The following TMT1A variants were observed in gnomAD, a reference collection of about 807,000 sequenced individuals.
TMT1A encodes thiol S-methyltransferase TMT1A.
chr12:50,925,665 T>C, the TMT1A span: 2 of 1,155,490 alleles, frequency 1.7e-6, no homozygotes, highest in Non-Finnish European at 2.3e-6. Flanking sequence ...GTAGAATTTT[T>C]TAAAATTTTA....
chr12:50,928,973 C>T, the TMT1A span, among the ~76,000 whole-genome samples: 4 of 152,166 alleles, frequency 2.6e-5, no homozygotes, highest in South Asian at 8.3e-4. Context: ...CACGGTAGCT[C>T]ACGCCTGTAA....
At chr12:50,925,313 G>T in the TMT1A span, 1 of 1,614,128 alleles carries the variant, frequency 6.2e-7, no homozygotes, top group Non-Finnish European at 8.5e-7. Context: ...CCACCTGGGT[G>T]CAGGGTGACC....
At chr12:50,925,678 G>C in the TMT1A span, 4 of 1,015,496 alleles carry the variant, frequency 3.9e-6, no homozygotes, top group Non-Finnish European at 5.5e-6. Context: ...AAATTTTAGC[G>C]TGGGAGAGAA....
chr12:50,926,086 A>G, the TMT1A span, among the ~76,000 whole-genome samples: 1 of 151,738 alleles, frequency 6.6e-6, no homozygotes, highest in Non-Finnish European at 1.5e-5. Context: ...CCCAAAACAA[A>G]GTTAAACTAC....
At chr12:50,928,288 G>A in the TMT1A span, among the ~76,000 whole-genome samples, 3 of 152,120 alleles carry the variant, frequency 2.0e-5, no homozygotes, top group Non-Finnish European at 4.4e-5. Context: ...TTGCTCCTTA[G>A]CTCAGCTAGG....
chr12:50,925,425 C>T, the TMT1A span: 29 of 1,614,118 alleles, frequency 1.8e-5, no homozygotes, highest in Admixed American at 4.5e-4. Flanking sequence ...CCGGGGAGAA[C>T]ATGCACCAGG....
the TMT1A span, among the ~76,000 whole-genome samples, chr12:50,929,148 T>C: frequency 2.0e-5 from 3 of 152,036 alleles, no homozygotes; most frequent in Non-Finnish European, 4.4e-5. Flanking sequence ...GGCAGTAGGA[T>C]TGCTTGAGCC....
At chr12:50,929,912 A>T in the TMT1A span, 1 of 1,562,862 alleles carries the variant, frequency 6.4e-7, no homozygotes, top group Non-Finnish European at 8.7e-7. Context: ...TTTCTTTCTC[A>T]GGGAGGGGCT....
At chr12:50,931,595 C>G in the TMT1A span, 4 of 149,266 alleles carry the variant, frequency 2.7e-5, no homozygotes, top group African/African-American at 9.9e-5. Flanking sequence ...CCTGTAATCC[C>G]AGGTACTTGG....
At chr12:50,926,612 A>T in the TMT1A span, among the ~76,000 whole-genome samples, 7 of 152,332 alleles carry the variant, frequency 4.6e-5, no homozygotes, top group African/African-American at 1.7e-4. Flanking sequence ...GAACAAGAAG[A>T]GTTATCTGTG....
At chr12:50,927,066 CT>C in the TMT1A span, among the ~76,000 whole-genome samples, 1 of 152,158 alleles carries the variant, frequency 6.6e-6, no homozygotes, top group African/African-American at 2.4e-5. Flanking sequence ...GTCACCCAGG[CT>C]GGAGTGCAGT....
At chr12:50,929,129 G>T in the TMT1A span, among the ~76,000 whole-genome samples, 1 of 152,130 alleles carries the variant, frequency 6.6e-6, no homozygotes, top group Non-Finnish European at 1.5e-5. Flanking sequence ...CAGCTACTTG[G>T]GGGGCTGAGG....
chr12:50,932,357 C>A, the TMT1A span: 2 of 152,044 alleles, frequency 1.3e-5, no homozygotes, highest in African/African-American at 4.8e-5. Flanking sequence ...CCTCTGAAAG[C>A]GAGTGTTAGG....
chr12:50,929,004 T>C, the TMT1A span, among the ~76,000 whole-genome samples: 1 of 151,970 alleles, frequency 6.6e-6, no homozygotes, highest in South Asian at 2.1e-4. Flanking sequence ...TTGGGAGGCC[T>C]AGACAGGAGG....
chr12:50,926,757 T>C, the TMT1A span, among the ~76,000 whole-genome samples: 1 of 152,206 alleles, frequency 6.6e-6, no homozygotes, highest in African/African-American at 2.4e-5. Flanking sequence ...TATATGTGTA[T>C]AAGTTAATGG....
chr12:50,931,609 G>C, the TMT1A span: 1 of 150,950 alleles, frequency 6.6e-6, no homozygotes, highest in African/African-American at 2.4e-5. Context: ...TACTTGGAAG[G>C]CTGAGGCAGG....
the TMT1A span, chr12:50,931,737 A>G: frequency 6.7e-6 from 1 of 148,908 alleles, no homozygotes; most frequent in Non-Finnish European, 1.5e-5. Context: ...AAAAAAAAGA[A>G]GTAGAGACAG....
At chr12:50,929,626 TAA>T in the TMT1A span, among the ~76,000 whole-genome samples, 1 of 152,226 alleles carries the variant, frequency 6.6e-6, no homozygotes, top group Non-Finnish European at 1.5e-5. Context: ...ACTGACTGAA[TAA>T]AATACCTAAT....
At chr12:50,926,016 C>CAAAAAAAAAAAAAAAA in the TMT1A span, among the ~76,000 whole-genome samples, 1 of 26,062 alleles carries the variant, frequency 3.8e-5, no homozygotes, top group Non-Finnish European at 6.7e-5. Flanking sequence ...AACTCCATCT[C>CAAAAAAAAAAAAAAAA]AAAAAAAAAA....
Sources: allele counts gnomAD v4.1 joint callset (sites outside exome capture counted in the v4.1 genomes callset), GRCh38; gene constraint gnomAD v4.1.1; transcripts MANE v1.5; gene names NCBI Gene and HGNC (gene_info 2026-07-23, HGNC 2026-07-21).